POU2F3: variants seen among roughly 807,000 people sequenced by gnomAD.
POU2F3 encodes POU domain, class 2, transcription factor 3.
POU2F3 carries 23 observed loss-of-function variants against 59.2 expected under a neutral mutation model. The observed-to-expected ratio is 0.39, with a 90% confidence interval of 0.28 to 0.55. The LOEUF is 0.55. Ranked by LOEUF, POU2F3 falls within the 20% of genes least tolerant of loss-of-function variation. The probability of loss-of-function intolerance (pLI) is 0.66; values close to 1 mark genes in which losing one functional copy is unlikely to be tolerated. For missense variants in POU2F3, 473 were observed against 544.5 expected (o/e 0.87, Z 1.31); for synonymous variants, 190 against 214.6 (o/e 0.89, Z 1.00).
intron 11 of POU2F3, among the ~76,000 whole-genome samples, chr11:120,316,923 G>C (rs1941802768): frequency 6.6e-6 from 1 of 152,148 alleles, no homozygotes; most frequent in Admixed American, 6.5e-5. Context: ...GCCCAGCCTA[G>C]GGTGTGTCCT....
intron 5 of POU2F3, chr11:120,301,364 C>T (rs945883847): frequency 2.9e-5 from 7 of 244,104 alleles, no homozygotes; most frequent in South Asian, 2.2e-4. Context: ...TCTCAACTCC[C>T]AGTTCTGGAT....
intron 3 of POU2F3, among the ~76,000 whole-genome samples, chr11:120,270,460 G>A (rs1316081299): frequency 6.6e-6 from 1 of 152,190 alleles, no homozygotes; most frequent in Non-Finnish European, 1.5e-5. Context: ...TCATGGGTGA[G>A]GTGATATCTG....
At chr11:120,272,341 C>G (rs1282473132) in intron 3 of POU2F3, among the ~76,000 whole-genome samples, 3 of 152,166 alleles carry the variant, frequency 2.0e-5, no homozygotes, top group African/African-American at 4.8e-5. Context: ...TCCCATGAGG[C>G]CTTGCTGCAC....
intron 3 of POU2F3, among the ~76,000 whole-genome samples, chr11:120,290,181 A>G (rs1328248264): frequency 6.6e-6 from 1 of 152,198 alleles, no homozygotes; most frequent in East Asian, 1.9e-4. Context: ...TAAACCATGA[A>G]AATTACCAGA....
chr11:120,253,957 G>C (rs940826287), intron 2 of POU2F3, among the ~76,000 whole-genome samples: 1 of 152,096 alleles, frequency 6.6e-6, no homozygotes. Flanking sequence ...TTTGCTGACC[G>C]GGGTGGCATG....
chr11:120,250,336 T>C (rs1565354257), intron 2 of POU2F3: 1 of 152,222 alleles, frequency 6.6e-6, no homozygotes, highest in Non-Finnish European at 1.5e-5. Context: ...TGGTGGCAGA[T>C]CCTGGGCTCA....
chr11:120,260,099 C>T (rs149655425), intron 2 of POU2F3, among the ~76,000 whole-genome samples: 178 of 152,332 alleles, frequency 1.2e-3, no homozygotes, highest in Middle Eastern at 6.8e-3. Context: ...AGAAGAGAAC[C>T]AGAGATGGGA....
At position 120,309,480 on chromosome 11, in the gene POU2F3, A is replaced by G; in HGVS notation, c.962A>G (p.Glu321Gly). The change falls in exon 10 of 13, where the codon GAG becomes GGG. Residue 321 changes from glutamate to glycine, a missense_variant. By Grantham distance (98) the Glu-to-Gly change is moderately conservative. Coordinates refer to ENST00000543440, the MANE Select transcript of POU2F3 (RefSeq NM_014352.4). ...ATGATTGCAGAGCAGTTGTCCATGG[A>G]GAAGGAGGTGGTGAGGGTCTGGTTC... is the stretch of plus-strand genomic sequence containing the variant. ...ISMIAEQLSMEKEVVRVWFCN... is the reference protein window; with the variant it reads ...ISMIAEQLSMGKEVVRVWFCN... 2 of 1,614,046 alleles carry G rather than the reference A, an allele frequency of 1.2e-6. No homozygotes were observed. The highest frequency in any genetic ancestry group is 1.3e-5 in the African/African-American group (1 of 75,026).
intron 3 of POU2F3, among the ~76,000 whole-genome samples, chr11:120,289,121 C>A (rs1184205559): frequency 2.6e-5 from 4 of 152,114 alleles, no homozygotes; most frequent in Non-Finnish European, 4.4e-5. Context: ...CTTCTAGAAC[C>A]CCAAATGCTC....
intron 11 of POU2F3, among the ~76,000 whole-genome samples, chr11:120,316,888 C>T (rs577069615): frequency 9.2e-5 from 14 of 152,252 alleles, no homozygotes; most frequent in African/African-American, 2.9e-4. Flanking sequence ...TTTCTCCTAC[C>T]GCCTCTTGGT....
At chr11:120,260,659 C>T (rs1252793644) in intron 2 of POU2F3, among the ~76,000 whole-genome samples, 2 of 152,208 alleles carry the variant, frequency 1.3e-5, no homozygotes, top group African/African-American at 2.4e-5. Flanking sequence ...CTTGGCTTCT[C>T]ACTGGGAGCT....
intron 5 of POU2F3, chr11:120,301,862 AT>A (rs1941357223): frequency 6.2e-6 from 1 of 160,886 alleles, no homozygotes; most frequent in Non-Finnish European, 1.3e-5. Flanking sequence ...CTCTGTAGCC[AT>A]AACCCAGCTA....
At chr11:120,272,162 G>A (rs1240564959) in intron 3 of POU2F3, among the ~76,000 whole-genome samples, 5 of 152,190 alleles carry the variant, frequency 3.3e-5, no homozygotes, top group African/African-American at 7.2e-5. Flanking sequence ...AACCAATGAG[G>A]TAGGTGATAC....
intron 2 of POU2F3, chr11:120,253,615 A>G (rs1266219977): frequency 6.6e-6 from 1 of 152,242 alleles, no homozygotes; most frequent in Non-Finnish European, 1.5e-5. Context: ...GGACCTCCAC[A>G]GTGCACAGAC....
At chr11:120,286,896 A>T (rs1386326349) in intron 3 of POU2F3, among the ~76,000 whole-genome samples, 3 of 151,996 alleles carry the variant, frequency 2.0e-5, no homozygotes. Flanking sequence ...TGTAATAAGT[A>T]TGCATGCTAC....
At position 120,240,242 on chromosome 11, in the gene POU2F3, G is replaced by C; in HGVS notation, c.-102G>C. ...GGCAGCGGCTCCCGCGGCGGCGGCG[G>C]CCGGGAACTGGAGGAAGGAGACCCT... is the stretch of plus-strand genomic sequence containing the variant. On this transcript the variant is annotated 5_prime_UTR_variant, in exon 1 of 13. Transcript: ENST00000543440. 8.0e-7 allele frequency: 1 copy of C among 1,251,046 alleles called. No homozygotes were observed. The highest frequency in any genetic ancestry group is 3.8e-5 in the South Asian group (1 of 26,498). 77.5% of individuals were successfully genotyped at this position (1,251,046 alleles called of 1,614,324 possible). A position where few individuals can be genotyped will look rare whatever the true frequency, so the allele number is the denominator to read the frequency against.
intron 3 of POU2F3, among the ~76,000 whole-genome samples, chr11:120,291,870 G>A (rs931136230): frequency 1.1e-4 from 17 of 150,422 alleles, no homozygotes; most frequent in African/African-American, 3.2e-4. Flanking sequence ...GTGCAGTGGC[G>A]CAATCTTGGC....
Position 120,307,506 on chromosome 11 carries a change from GC to G in POU2F3, c.798del (p.Ser266ArgfsTer29). 6.2e-7 allele frequency: 1 copy of G among 1,614,186 alleles called. No homozygotes were observed. The highest frequency in any genetic ancestry group is 1.1e-5 in the South Asian group (1 of 91,082). On this transcript the variant is annotated frameshift_variant, in exon 9 of 13. Transcript: ENST00000543440. LOFTEE classifies it high-confidence loss of function. ...TCCTCTCCGTCAGACCCCTCAGTGA[GC>G]ACGCCCAGCTCCTACCCCAGCCTCA... Reference protein sequence around the residue: ...AESSPSDPSVSTPSSYPSLSE... With the variant: ...AESSPSDPSVXTPSSYPSLSE...
rs753971790 is a variant in POU2F3, at chr11:120,307,436, A to G, written c.770-43A>G. ...AGATCCATGAAGGCACCGGCCACTC[A>G]TCCCCTTCTCTGAGCTTCCTCTGGT... is the stretch of plus-strand genomic sequence containing the variant. On this transcript the variant is annotated intron_variant, in intron 8 of 12. Transcript: ENST00000543440. 4 of 1,607,042 alleles carry G rather than the reference A, an allele frequency of 2.5e-6. No homozygotes were observed. In the African/African-American group the frequency reaches 4.0e-5, roughly 16 times the overall value.
Sources: allele counts gnomAD v4.1 joint callset (sites outside exome capture counted in the v4.1 genomes callset), GRCh38; gene constraint gnomAD v4.1.1; transcripts MANE v1.5; gene names NCBI Gene and HGNC (gene_info 2026-07-23, HGNC 2026-07-21).